Variants in SERPINE3 observed in about 807,000 individuals in gnomAD.
SERPINE3 encodes serpin E3.
A neutral mutation model predicts 41.7 loss-of-function variants in SERPINE3; 43 were observed. That is an observed-to-expected ratio of 1.03 (90% CI 0.81 to 1.33). The LOEUF (loss-of-function observed/expected upper bound fraction) is 1.33. Ranked by LOEUF, SERPINE3 falls within the 40% of genes most tolerant of loss-of-function variation. The pLI is 0.00. For missense variants in SERPINE3, 440 were observed against 491.7 expected, an observed-to-expected ratio of 0.89 and a Z score of 0.99; for synonymous variants, 200 against 192.2, an observed-to-expected ratio of 1.04 and a Z score of -0.34.
rs745486146 is a variant in SERPINE3 at position 51,361,860 on chromosome 13, C to A, written c.1138C>A (p.Pro380Thr). 6.2e-7 allele frequency: 1 copy of A among 1,611,470 alleles called. No individual in the cohort carries two copies. Among genetic ancestry groups the A allele is most frequent in the Admixed American group, 1.7e-5 (1 of 59,682 alleles). ...GATTCCTATTTTTAAAGCAGATCGG[C>A]CATTCATCTATTTCCTGAGAGAACC... ...SRIPIFKADR[P>T]FIYFLREPNT... is the part of the protein sequence containing the mutation. Residue 380 changes from proline (P) to threonine (T), a missense_variant, in exon 9 of 10, where the codon CCA (proline) becomes ACA (threonine). Transcript: ENST00000681248.
At chr13:51,359,339 T>C (rs1955526178) in intron 7 of SERPINE3, among the ~76,000 whole-genome samples, 1 of 152,150 alleles carries the variant, frequency 6.6e-6, no homozygotes, top group Non-Finnish European at 1.5e-5. Context: ...CATATTCTCA[T>C]TTTTATCGCA....
chr13:51,357,600 AT>A (rs1305488855), intron 7 of SERPINE3, among the ~76,000 whole-genome samples: 1 of 151,798 alleles, frequency 6.6e-6, no homozygotes, highest in South Asian at 2.1e-4. Flanking sequence ...GGCATCAAAT[AT>A]TTTTTTTGCT....
chr13:51,349,126 A>C (rs373513081), intron 6 of SERPINE3, among the ~76,000 whole-genome samples: 1 of 152,178 alleles, frequency 6.6e-6, no homozygotes, highest in Non-Finnish European at 1.5e-5. Flanking sequence ...AATCAGAGTA[A>C]ATTTATAACC....
chr13:51,343,266 G>A (rs1955311944), intron 3 of SERPINE3, among the ~76,000 whole-genome samples: 1 of 152,208 alleles, frequency 6.6e-6, no homozygotes, highest in Admixed American at 6.5e-5. Context: ...GCAGGGCTGT[G>A]CCTAAAAGGG....
At chr13:51,347,963 C>CT (rs1287679331) in intron 5 of SERPINE3, among the ~76,000 whole-genome samples, 1 of 152,090 alleles carries the variant, frequency 6.6e-6, no homozygotes, top group Non-Finnish European at 1.5e-5. Flanking sequence ...TCGTCCCCCC[C>CT]CCCATACCCA....
intron 7 of SERPINE3, 149 bp from the exon 8 acceptor site, chr13:51,361,129 A>G: frequency 3.8e-6 from 2 of 525,606 alleles, no homozygotes; most frequent in Non-Finnish European, 3.4e-6. Flanking sequence ...AGTAAAAACA[A>G]AAACAGAATT....
In SERPINE3 at chr13:51,340,835, C is replaced by T; in HGVS notation, c.-44C>T. ...AAGTGGCCGAAGCAGATCTTCAGACCCACAGTTTGGCTGCCAAAGGACCAC... is the reference window on the plus strand; with the variant it reads ...AAGTGGCCGAAGCAGATCTTCAGACTCACAGTTTGGCTGCCAAAGGACCAC... On this transcript the variant is annotated 5_prime_UTR_variant, in exon 2 of 10. Transcript: ENST00000681248. The T allele has an allele frequency of 1.8e-6, 1 of 552,120 alleles. No individual in the cohort carries two copies. The highest frequency in any genetic ancestry group is 2.2e-5 in the South Asian group (1 of 44,766). 34.2% of individuals were successfully genotyped at this position (552,120 alleles called of 1,614,324 possible).
chr13:51,361,534 C>A, intron 8 of SERPINE3, 170 bp downstream of exon 8: 2 of 589,274 alleles, frequency 3.4e-6, no homozygotes, highest in African/African-American at 1.9e-5. Context: ...TGAAAAATGA[C>A]GGGGAAGAAG....
rs1955372366 is a variant in SERPINE3, at chr13:51,348,393, T to G, written c.881T>G (p.Met294Arg). 1.2e-6 allele frequency: 2 copies of G among 1,613,592 alleles called. No individual in the cohort carries two copies. The highest frequency in any genetic ancestry group is 1.7e-6 in the Non-Finnish European group (2 of 1,179,830). Residue 294 changes from methionine (M) to arginine (R), a missense_variant, in exon 6 of 10, where the codon ATG becomes AGG. Met to Arg is a moderately conservative substitution (Grantham distance 91). Coordinates refer to ENST00000681248, the MANE Select transcript of SERPINE3 (RefSeq NM_001386375.1). ...ACCACCAGCCTGAGGAGAGCCAGGA[T>G]GGATGTGTTCCTGCCCAGGTGAGCA... The part of the protein sequence containing the change: ...LWTTSLRRAR[M>R]DVFLPRFRIQ...
At chr13:51,346,986 C>A (rs1480610231) in intron 4 of SERPINE3, 39 bp from the exon 5 acceptor site, 2 of 1,461,316 alleles carry the variant, frequency 1.4e-6, no homozygotes, top group East Asian at 2.5e-5. Flanking sequence ...AGTTTCAATG[C>A]ACATTTAACC....
Position 51,344,377 on chromosome 13 carries a change from G to C in SERPINE3, c.382G>C (p.Val128Leu). The change falls in exon 4 of 10, where the codon GTG becomes CTG. Residue 128 changes from valine (V) to leucine (L), a missense_variant. Physicochemically the swap from Val to Leu is conservative, Grantham distance 32. Transcript: ENST00000681248. ...QVGTPLSPCF[V>L]EHVSWWANSS... ...GGGAACGCCACTGTCCCCCTGCTTT[G>C]TGGAGCACGTCTCCTGGTGGGCTAA... 1 of 1,613,266 alleles carries C rather than the reference G, an allele frequency of 6.2e-7. No individual in the cohort carries two copies.
chr13:51,346,606 T>C (rs977139984), intron 4 of SERPINE3, among the ~76,000 whole-genome samples: 9 of 152,168 alleles, frequency 5.9e-5, no homozygotes, highest in Non-Finnish European at 1.3e-4. Flanking sequence ...CACCCAGGTG[T>C]CAGGACTTCT....
intron 4 of SERPINE3, among the ~76,000 whole-genome samples, chr13:51,345,218 C>A (rs749786524): frequency 6.6e-6 from 1 of 152,186 alleles, no homozygotes; most frequent in Non-Finnish European, 1.5e-5. Flanking sequence ...GAAGGCTCAG[C>A]CTCCTGCCCA....
chr13:51,358,841 G>T (rs1187629427), intron 7 of SERPINE3, among the ~76,000 whole-genome samples: 3 of 152,064 alleles, frequency 2.0e-5, no homozygotes, highest in African/African-American at 7.2e-5. Flanking sequence ...TATTGTAGGA[G>T]CAAGCGAGTT....
rs940771085 is a variant in SERPINE3 at position 51,361,679 on chromosome 13, T to A, written c.1088-131T>A. 5 of 798,742 alleles carry A rather than the reference T, an allele frequency of 6.3e-6. No individual in the cohort carries two copies. In the African/African-American group the frequency reaches 7.0e-5, roughly 11 times the overall value. The allele number at this position is 798,742 out of a possible 1,614,324, so 49.5% of individuals were successfully genotyped here. On this transcript the variant is annotated intron_variant, in intron 8 of 9. Coordinates refer to ENST00000681248, the MANE Select transcript of SERPINE3 (RefSeq NM_001386375.1). Reference sequence around the variant, plus strand: ...TTTAATTTTCCCATCTGCACCCCCATCACAACAGTAAACAATCAAATGCCA... The same window carrying A: ...TTTAATTTTCCCATCTGCACCCCCAACACAACAGTAAACAATCAAATGCCA...
At chr13:51,362,260 G>T in intron 9 of SERPINE3, 1 of 370,508 alleles carries the variant, frequency 2.7e-6, no homozygotes, top group Non-Finnish European at 4.7e-6. Flanking sequence ...TCATTTTAGA[G>T]TTTTTTCAGG....
chr13:51,361,717 G>A, intron 8 of SERPINE3, 93 bp from the exon 9 acceptor site: 1 of 1,161,254 alleles, frequency 8.6e-7, no homozygotes, highest in South Asian at 1.6e-5. Context: ...AGGATGCTTT[G>A]ATTTCTTAAA....
rs937600362 is a variant in SERPINE3 at position 51,344,573 on chromosome 13, C to G, written c.490+88C>G. On this transcript the variant is annotated intron_variant, in intron 4 of 9. Transcript: ENST00000681248. Reference sequence around the variant, plus strand: ...CCATCACTTGTCAGAGGCCATGGTGCTCAGGCCACCTTCAATTACAGCAGA... The same window carrying G: ...CCATCACTTGTCAGAGGCCATGGTGGTCAGGCCACCTTCAATTACAGCAGA... 1.3e-5 allele frequency: 13 copies of G among 998,680 alleles called. No individual in the cohort carries two copies. In the African/African-American group the frequency reaches 2.1e-4, roughly 16 times the overall value. 61.9% of individuals were successfully genotyped at this position (998,680 alleles called of 1,614,324 possible).
chr13:51,363,461 A>C (rs893762655), intron 9 of SERPINE3: 1 of 151,864 alleles, frequency 6.6e-6, no homozygotes, highest in Non-Finnish European at 1.5e-5. Context: ...TCTTACTAAG[A>C]GCAACTAATG....
Sources: allele counts gnomAD v4.1 joint callset (sites outside exome capture counted in the v4.1 genomes callset), GRCh38; gene constraint gnomAD v4.1.1; transcripts MANE v1.5; gene names NCBI Gene and HGNC (gene_info 2026-07-23, HGNC 2026-07-21).